OPCML: variants seen among roughly 807,000 people sequenced by gnomAD.
The protein encoded by OPCML is opioid binding protein/cell adhesion molecule like, also known as opioid-binding protein/cell adhesion molecule.
Under a neutral mutation model 37.8 loss-of-function variants are expected in OPCML, and 13 were observed. The observed-to-expected ratio is 0.34, with a 90% CI of 0.22 to 0.55. The LOEUF (loss-of-function observed/expected upper bound fraction) is 0.55. OPCML is among the 20% of genes least tolerant of loss of function. The probability of loss-of-function intolerance (pLI) is 0.91; values close to 1 mark genes in which losing one functional copy is unlikely to be tolerated. For synonymous variants in OPCML, 176 were observed against 168.8 expected (o/e 1.04, Z -0.33); for missense variants, 341 against 435.6 (o/e 0.78, Z 1.93).
chr11:132,675,354 G>C (rs986878070), intron 2 of OPCML, among the ~76,000 whole-genome samples: 1 of 151,810 alleles, frequency 6.6e-6, no homozygotes, highest in African/African-American at 2.4e-5. Context: ...ACAATGTATA[G>C]CTCTTAATTA....
At chr11:132,482,177 A>C (rs1360607285) in intron 4 of OPCML, among the ~76,000 whole-genome samples, 6 of 149,922 alleles carry the variant, frequency 4.0e-5, no homozygotes, top group African/African-American at 9.8e-5. Flanking sequence ...TGCTAGCAAG[A>C]CTAATAAAGA....
intron 2 of OPCML, among the ~76,000 whole-genome samples, chr11:132,661,395 T>A (rs1299320372): frequency 6.6e-6 from 1 of 152,074 alleles, no homozygotes; most frequent in African/African-American, 2.4e-5. Flanking sequence ...CAAAAGAAAA[T>A]GTAGTTTCAT....
At chr11:132,634,315 G>C (rs1157868799) in intron 3 of OPCML, among the ~76,000 whole-genome samples, 2 of 152,202 alleles carry the variant, frequency 1.3e-5, no homozygotes, top group Non-Finnish European at 2.9e-5. Flanking sequence ...GAGTATGTAA[G>C]CAACAATGTC....
Position 132,532,467 on chromosome 11 carries a change from T to A in OPCML, c.380-3281A>T, listed in dbSNP as rs536507496. Among the ~76,000 whole-genome samples, 16 of 152,286 alleles carry A rather than the reference T, an allele frequency of 1.1e-4. No homozygotes were observed. The South Asian group carries it at 3.1e-3, about 30-fold the overall frequency. ...AAATTGCTTGTTTATGGAGAGAAGA[T>A]CCTTACAAATGGTGAGATAAATAGA... On this transcript the variant is annotated intron_variant, in intron 3 of 7. Coordinates refer to ENST00000524381, the MANE Select transcript of OPCML (RefSeq NM_001012393.5).
chr11:132,434,446 T>C (rs1469469330), intron 7 of OPCML, among the ~76,000 whole-genome samples: 1 of 152,194 alleles, frequency 6.6e-6, no homozygotes, highest in East Asian at 1.9e-4. Context: ...AGTGCATGCA[T>C]GTGTGTGCCT....
intron 2 of OPCML, among the ~76,000 whole-genome samples, chr11:132,710,278 A>G (rs1017649274): frequency 6.6e-6 from 1 of 152,206 alleles, no homozygotes; most frequent in African/African-American, 2.4e-5. Context: ...AAAAAAATCT[A>G]TGATAGAATA....
chr11:132,855,692 C>A (rs1183002435), intron 2 of OPCML, among the ~76,000 whole-genome samples: 1 of 152,220 alleles, frequency 6.6e-6, no homozygotes, highest in Non-Finnish European at 1.5e-5. Context: ...AGCTCACATC[C>A]TAGTTGCAAC....
At chr11:132,930,019 C>T (rs1945145457) in intron 2 of OPCML, among the ~76,000 whole-genome samples, 1 of 152,076 alleles carries the variant, frequency 6.6e-6, no homozygotes, top group African/African-American at 2.4e-5. Context: ...GGAGTGTCTG[C>T]TTCTATCACT....
At chr11:132,665,704 G>C (rs1942189080) in intron 2 of OPCML, among the ~76,000 whole-genome samples, 1 of 152,144 alleles carries the variant, frequency 6.6e-6, no homozygotes, top group African/African-American at 2.4e-5. Context: ...TGATTGAGCT[G>C]GTTTCTTCCC....
intron 1 of OPCML, among the ~76,000 whole-genome samples, chr11:133,350,935 A>G (rs1003231487): frequency 3.5e-4 from 53 of 152,196 alleles, no homozygotes; most frequent in African/African-American, 1.2e-3. Flanking sequence ...CGGCAGGCCA[A>G]TGCAGAAAGG....
chr11:132,751,170 A>T (rs1945818818), intron 2 of OPCML, among the ~76,000 whole-genome samples: 1 of 152,150 alleles, frequency 6.6e-6, no homozygotes, highest in Non-Finnish European at 1.5e-5. Context: ...TTTCTTTACC[A>T]AACACAGTTC....
intron 1 of OPCML, among the ~76,000 whole-genome samples, chr11:133,412,231 T>C (rs562124460): frequency 1.6e-4 from 25 of 152,188 alleles, no homozygotes; most frequent in Non-Finnish European, 2.4e-4. Context: ...AAAAGAACAA[T>C]TGGAGAGGCC....
chr11:133,454,449 A>G (rs553307090), intron 1 of OPCML, among the ~76,000 whole-genome samples: 7 of 152,274 alleles, frequency 4.6e-5, no homozygotes, highest in Middle Eastern at 6.8e-3. Context: ...CCCCCGTCCG[A>G]AGTGCTTAGA....
chr11:132,651,973 A>G (rs1428570771), intron 3 of OPCML, among the ~76,000 whole-genome samples: 1 of 152,202 alleles, frequency 6.6e-6, no homozygotes, highest in Non-Finnish European at 1.5e-5. Flanking sequence ...TCCAAAAAGC[A>G]ACCATAGACG....
intron 1 of OPCML, among the ~76,000 whole-genome samples, chr11:133,107,872 C>T (rs1357381268): frequency 2.0e-5 from 3 of 152,294 alleles, no homozygotes; most frequent in East Asian, 1.9e-4. Context: ...TGATTCTCAA[C>T]GTACTCGAGA....
chr11:132,860,829 T>G (rs1942271257), intron 2 of OPCML: 1 of 152,126 alleles, frequency 6.6e-6, no homozygotes, highest in African/African-American at 2.4e-5. Context: ...CTCAATCAGC[T>G]CCGAAATGTG....
intron 1 of OPCML, among the ~76,000 whole-genome samples, chr11:133,151,943 G>C (rs1452681916): frequency 6.6e-6 from 1 of 152,184 alleles, no homozygotes; most frequent in Non-Finnish European, 1.5e-5. Context: ...GGAAGAGAAT[G>C]CTTCTAGCTC....
intron 1 of OPCML, among the ~76,000 whole-genome samples, chr11:133,434,798 G>GTATATATATATATA (rs57835682): frequency 2.3e-5 from 3 of 129,004 alleles, no homozygotes; most frequent in Non-Finnish European, 3.4e-5. Flanking sequence ...TTATATATAT[G>GTATATATATATATA]TATATATATA....
At chr11:132,911,767 C>T (rs1270482300) in intron 2 of OPCML, among the ~76,000 whole-genome samples, 3 of 152,088 alleles carry the variant, frequency 2.0e-5, no homozygotes, top group Admixed American at 6.6e-5. Context: ...TCCATTTAGT[C>T]CAAAAATGAT....
Sources: gnomAD v4.1 joint callset for allele counts (sites outside exome capture counted in the v4.1 genomes callset) on GRCh38, gnomAD v4.1.1 for gene constraint, MANE v1.5 for transcripts, NCBI Gene and HGNC (gene_info 2026-07-23, HGNC 2026-07-21) for gene names.